Variants in SHC3 observed in about 807,000 individuals in gnomAD.
SHC3 encodes SHC-transforming protein 3.
A neutral mutation model predicts 60.4 loss-of-function variants in SHC3; 15 were observed. The observed-to-expected ratio is 0.25, with a 90% CI of 0.17 to 0.38. The LOEUF is 0.38. Among genes scored for constraint, SHC3 ranks in the 10% least tolerant of loss-of-function variants. The probability of loss-of-function intolerance (pLI) is 1.00; values close to 1 mark genes in which losing one functional copy is unlikely to be tolerated. For missense variants in SHC3, 677 were observed against 786.1 expected, an observed-to-expected ratio of 0.86 and a Z score of 1.66; for synonymous variants, 294 against 325.9, an observed-to-expected ratio of 0.90 and a Z score of 1.05.
Position 89,013,239 on chromosome 9 carries a change from G to A in SHC3, c.*208C>T. The stretch of plus-strand genomic sequence containing the variant: ...TAAATATAGAGGGATAATTTGTACA[G>A]GATGTATAGGTATGTACACCTTTAA... On this transcript the variant is annotated 3_prime_UTR_variant, in exon 12 of 12. Coordinates refer to ENST00000375835, the MANE Select transcript of SHC3 (RefSeq NM_016848.6). 1 of 391,218 alleles carries A rather than the reference G, an allele frequency of 2.6e-6. No homozygotes were observed. The highest frequency in any genetic ancestry group is 2.1e-5 in the African/African-American group (1 of 48,464). 24.2% of individuals were successfully genotyped at this position (391,218 alleles called of 1,614,324 possible). A position where few individuals can be genotyped will look rare whatever the true frequency, so the allele number is the denominator to read the frequency against.
chr9:89,094,411 G>A (rs1025805527), intron 2 of SHC3, among the ~76,000 whole-genome samples: 5 of 152,180 alleles, frequency 3.3e-5, no homozygotes, highest in African/African-American at 1.2e-4. Flanking sequence ...GCCTAAGGCT[G>A]GGTGGAAGGA....
chr9:89,143,847 T>C (rs1211508430), intron 1 of SHC3, among the ~76,000 whole-genome samples: 1 of 152,154 alleles, frequency 6.6e-6, no homozygotes, highest in African/African-American at 2.4e-5. Flanking sequence ...TGTAAGGTCA[T>C]ACTCAAAACA....
chr9:89,053,378 C>G (rs1252447993), intron 6 of SHC3, among the ~76,000 whole-genome samples: 1 of 152,210 alleles, frequency 6.6e-6, no homozygotes, highest in Admixed American at 6.5e-5. Context: ...ATAGGAGAAG[C>G]CAGTACATAC....
chr9:89,084,179 A>G (rs530291667), intron 2 of SHC3, among the ~76,000 whole-genome samples: 1 of 152,312 alleles, frequency 6.6e-6, no homozygotes, highest in East Asian at 1.9e-4. Context: ...ACACCCCTGG[A>G]GAAATTGACT....
chr9:89,172,642 T>A (rs1223211962), intron 1 of SHC3, among the ~76,000 whole-genome samples: 1 of 152,026 alleles, frequency 6.6e-6, no homozygotes, highest in African/African-American at 2.4e-5. Context: ...AGGCTGTTCC[T>A]ATGCTCACTG....
intron 6 of SHC3, among the ~76,000 whole-genome samples, chr9:89,058,743 C>CGGTGGTGGAGGAT (rs1415326630): frequency 2.2e-5 from 2 of 92,848 alleles, no homozygotes; most frequent in Non-Finnish European, 2.2e-5. Context: ...TGGTGAAGGG[C>CGGTGGTGGAGGAT]GGTGGTGGAG....
intron 1 of SHC3, among the ~76,000 whole-genome samples, chr9:89,165,260 T>TTG (rs10626309): frequency 0.19 from 28,499 of 148,526 alleles, 3,059 homozygotes; most frequent in Admixed American, 0.26. Context: ...AAAGACGTGT[T>TTG]TGTGTGTGTG....
chr9:89,051,293 T>C lies in SHC3; in HGVS notation c.962+744A>G, dbSNP rs546549307. On this transcript the variant is annotated intron_variant, in intron 7 of 11. Coordinates refer to ENST00000375835, the MANE Select transcript of SHC3 (RefSeq NM_016848.6). ...GCAAGTTCAATCAAGGACAGAATAC[T>C]GAATGACCAATATGCCCCATATTAC... Among the ~76,000 whole-genome samples, 4 of 152,336 alleles carry C rather than the reference T, an allele frequency of 2.6e-5. No individual in the cohort carries two copies. In the East Asian group the frequency reaches 7.7e-4, roughly 29 times the overall value.
At position 89,178,278 on chromosome 9, in the gene SHC3, G is replaced by T; in HGVS notation, c.183C>A (p.Pro61=). 1.3e-6 allele frequency: 2 copies of T among 1,553,702 alleles called. No homozygotes were observed. The highest frequency in any genetic ancestry group is 1.7e-6 in the Non-Finnish European group (2 of 1,152,070). Residue 61 remains proline, a synonymous_variant, in exon 1 of 12, where the codon CCC becomes CCA. Coordinates refer to ENST00000375835, the MANE Select transcript of SHC3 (RefSeq NM_016848.6). This position sits in a 1 kb window ranked among gnomAD's most constrained non-coding sequence, Gnocchi z 6.9. ...TGTGGAGCAGGTGGCCCAGGCTGCC[G>T]GGCCCATCGTCGGGCGCCTTGCGCA... ...EALRKAPDDG[P]GSLGHLLHKV...
chr9:89,140,280 G>A (rs191327098), intron 1 of SHC3, among the ~76,000 whole-genome samples: 556 of 152,196 alleles, frequency 3.7e-3, no homozygotes, highest in African/African-American at 0.013. Context: ...CCAGAGCCAG[G>A]AAAGCATGCA....
chr9:89,103,168 T>C (rs1311391404), intron 2 of SHC3, among the ~76,000 whole-genome samples: 1 of 152,086 alleles, frequency 6.6e-6, no homozygotes, highest in Non-Finnish European at 1.5e-5. Flanking sequence ...CGATGTTTAA[T>C]AGGGAGTCAT....
Position 89,178,371 on chromosome 9 carries a change from GCCGCCGCTCA to G in SHC3, c.80_89del (p.Val27AlafsTer45). ...CGCGCGCCGCCGAAACCTTGCCTCC[GCCGCCGCTCA>G]CCGACAGGCTGTGGAGAAGGTCATC... On this transcript the variant is annotated frameshift_variant, in exon 1 of 12. Coordinates refer to ENST00000375835, the MANE Select transcript of SHC3 (RefSeq NM_016848.6). LOFTEE classifies it high-confidence loss of function. The surrounding 1 kb of genome is among the most constrained non-coding windows in gnomAD (Gnocchi z 6.9). The G allele has an allele frequency of 6.3e-7, 1 of 1,587,544 alleles. No individual in the cohort carries two copies. The highest frequency in any genetic ancestry group is 8.6e-7 in the Non-Finnish European group (1 of 1,169,058).
At chr9:89,053,218 C>T (rs1443852866) in intron 6 of SHC3, among the ~76,000 whole-genome samples, 1 of 152,198 alleles carries the variant, frequency 6.6e-6, no homozygotes, top group South Asian at 2.1e-4. Context: ...CTTCATCACA[C>T]CCCACCATTC....
chr9:89,124,954 A>G (rs929289558), intron 1 of SHC3, among the ~76,000 whole-genome samples: 1 of 152,188 alleles, frequency 6.6e-6, no homozygotes, highest in African/African-American at 2.4e-5. Context: ...TCTGGTAGGG[A>G]GTAACTAAAT....
At chr9:89,098,179 C>CA in intron 2 of SHC3, among the ~76,000 whole-genome samples, 1 of 152,094 alleles carries the variant, frequency 6.6e-6, no homozygotes, top group South Asian at 2.1e-4. Context: ...CATGCACTCT[C>CA]AAAAAATGTC....
At position 89,170,820 on chromosome 9, in the gene SHC3, C is replaced by T. The variant is rs559787230; in HGVS notation, c.474+7167G>A. 1.1e-4 allele frequency among the ~76,000 whole-genome samples: 16 copies of T among 152,156 alleles called. No homozygotes were observed. The East Asian group carries it at 2.1e-3, about 20-fold the overall frequency. On this transcript the variant is annotated intron_variant, in intron 1 of 11. Coordinates refer to ENST00000375835, the MANE Select transcript of SHC3 (RefSeq NM_016848.6). The stretch of plus-strand genomic sequence containing the variant: ...TAGCATTTACATTATAATAGATATT[C>T]GTAATCTAGAGATATTACATTTATA...
At chr9:89,150,109 G>A (rs1337644105) in intron 1 of SHC3, among the ~76,000 whole-genome samples, 2 of 152,114 alleles carry the variant, frequency 1.3e-5, no homozygotes, top group Non-Finnish European at 1.5e-5. Context: ...ATTAGTTATT[G>A]TCGTTAATCC....
chr9:89,150,823 G>C (rs1826535163), intron 1 of SHC3, among the ~76,000 whole-genome samples: 1 of 152,138 alleles, frequency 6.6e-6, no homozygotes, highest in Admixed American at 6.5e-5. Context: ...GTTCCCACCA[G>C]CTGTGTATTT....
chr9:89,079,953 A>G (rs1345916086), intron 2 of SHC3, among the ~76,000 whole-genome samples: 1 of 152,208 alleles, frequency 6.6e-6, no homozygotes, highest in Non-Finnish European at 1.5e-5. Flanking sequence ...TCATACGATA[A>G]CACGTGTGTG....
Sources: gnomAD v4.1 joint callset for allele counts (sites outside exome capture counted in the v4.1 genomes callset) on GRCh38, gnomAD v4.1.1 for gene constraint, Gnocchi (gnomAD v3.1) non-coding constraint, MANE v1.5 for transcripts, NCBI Gene and HGNC (gene_info 2026-07-23, HGNC 2026-07-21) for gene names.